The following CPS1 variants were observed in gnomAD, a reference collection of about 807,000 sequenced individuals.
The protein encoded by CPS1 is carbamoyl-phosphate synthase 1.
Under a neutral mutation model 174.6 loss-of-function variants are expected in CPS1, and 109 were observed. That is an observed-to-expected ratio of 0.62 (90% confidence interval 0.53 to 0.73). The LOEUF (loss-of-function observed/expected upper bound fraction) is 0.73. CPS1 is among the 30% of genes least tolerant of loss of function. The probability of loss-of-function intolerance (pLI) is 0.00; values close to 1 mark genes in which losing one functional copy is unlikely to be tolerated. For missense variants in CPS1, 1,689 were observed against 1,821.9 expected, an observed-to-expected ratio of 0.93 and a Z score of 1.33; for synonymous variants, 637 against 632.0, an observed-to-expected ratio of 1.01 and a Z score of -0.12.
At chr2:210,490,337 T>C (rs532602284) in intron 1 of CPS1, among the ~76,000 whole-genome samples, 1 of 143,862 alleles carries the variant, frequency 7.0e-6, no homozygotes, top group Admixed American at 7.0e-5. Flanking sequence ...TTTCCTCTTC[T>C]GCATAGCCAT....
Position 210,595,548 on chromosome 2 carries a change from A to T in CPS1, c.1325A>T (p.Asp442Val). Residue 442 changes from aspartate (D) to valine (V), a missense_variant, in exon 13 of 38, where the codon GAT becomes GTT. By Grantham distance (152) the Asp-to-Val change is radical (BLOSUM62 -3). Transcript: ENST00000233072. The part of the protein sequence containing the change: ...GLSIGQAGEF[D>V]YSGSQAVKAM... ...TCCATTGGTCAGGCTGGAGAATTTG[A>T]TTACTCAGGATCTCAAGCTGTAAAA... The T allele has an allele frequency of 6.2e-7, 1 of 1,611,494 alleles. No individual in the cohort carries two copies. The highest frequency in any genetic ancestry group is 8.5e-7 in the Non-Finnish European group (1 of 1,178,338).
intron 14 of CPS1, 49 bp from the exon 15 acceptor site, chr2:210,600,506 G>A: frequency 6.3e-7 from 1 of 1,583,832 alleles, no homozygotes; most frequent in South Asian, 1.1e-5. Context: ...ATTAAAAAAG[G>A]CACAAAATTC....
intron 29 of CPS1, among the ~76,000 whole-genome samples, chr2:210,655,758 T>G (rs2105916771): frequency 6.6e-6 from 1 of 152,330 alleles, no homozygotes; most frequent in South Asian, 2.1e-4. Flanking sequence ...AATGTCACTG[T>G]TTTAAGACGT....
chr2:210,519,647 A>T, intron 1 of CPS1: 1 of 543,392 alleles, frequency 1.8e-6, no homozygotes, highest in African/African-American at 2.1e-5. Context: ...TTGAATTCCC[A>T]GCCTCGCTTG....
At chr2:210,600,494 CTA>C in intron 14 of CPS1, 59 bp from the exon 15 acceptor site, 1 of 1,520,656 alleles carries the variant, frequency 6.6e-7, no homozygotes, top group Non-Finnish European at 9.1e-7. Context: ...ATTCAGTTGT[CTA>C]TTAAAAAAGG....
chr2:210,548,650 T>C (rs952963987), intron 1 of CPS1, among the ~76,000 whole-genome samples: 1 of 152,066 alleles, frequency 6.6e-6, no homozygotes, highest in East Asian at 1.9e-4. Context: ...TTTCTTTCTC[T>C]TCTTCCTCCC....
At chr2:210,552,286 A>AG (rs1696752192), upstream of CPS1, among the ~76,000 whole-genome samples, 1 of 150,766 alleles carries the variant, frequency 6.6e-6, no homozygotes, top group Non-Finnish European at 1.5e-5. Flanking sequence ...ATTGATTGCC[A>AG]GGTTTTTTTT....
At position 210,588,094 on chromosome 2, in the gene CPS1, G is replaced by T. The variant is rs762550873; in HGVS notation, c.658G>T (p.Val220Leu). Residue 220 changes from valine to leucine, a missense_variant, in exon 7 of 38, where the codon GTG (valine) becomes TTG (leucine). Transcript: ENST00000233072. Reference sequence around the variant, plus strand: ...GTACGGCAAAGGAAACCCCACAAAAGTGGTAGCTGTAGACTGTGGGATTAA... The same window carrying T: ...GTACGGCAAAGGAAACCCCACAAAATTGGTAGCTGTAGACTGTGGGATTAA... ...KVYGKGNPTK[V>L]VAVDCGIKNN... is the part of the protein sequence containing the mutation. 58 of 1,612,922 alleles carry T rather than the reference G, an allele frequency of 3.6e-5. No homozygotes were observed. The highest frequency in any genetic ancestry group is 4.9e-5 in the Non-Finnish European group (58 of 1,179,290).
At chr2:210,548,273 C>G (rs1359668206) in intron 1 of CPS1, among the ~76,000 whole-genome samples, 1 of 151,996 alleles carries the variant, frequency 6.6e-6, no homozygotes, top group African/African-American at 2.4e-5. Context: ...ACCTCGACTT[C>G]TAACATGGCA....
At chr2:210,579,139 T>C (rs946910748) in intron 4 of CPS1, among the ~76,000 whole-genome samples, 2 of 152,206 alleles carry the variant, frequency 1.3e-5, no homozygotes, top group African/African-American at 2.4e-5. Context: ...AAAAATCTTA[T>C]TTTAGTAAAA....
chr2:210,651,810 G>A lies in CPS1; in HGVS notation c.3480+1372G>A, dbSNP rs114218439. ...GAGTAAAACCAGCCCCAATCAATCA[G>A]TAATCTATGTATGTATTCATTTATT... On this transcript the variant is annotated intron_variant, in intron 28 of 37. Coordinates refer to ENST00000233072, the MANE Select transcript of CPS1 (RefSeq NM_001875.5). Among the ~76,000 whole-genome samples, 147 of 152,246 alleles carry A rather than the reference G, an allele frequency of 9.7e-4. 1 individual carries two copies. The highest frequency in any genetic ancestry group is 1.7e-3 in the Non-Finnish European group (119 of 68,014).
intron 21 of CPS1, chr2:210,617,787 T>C (rs1699360915): frequency 6.6e-6 from 1 of 152,036 alleles, no homozygotes. Context: ...ATTTATCTTA[T>C]AATTTTGCTG....
chr2:210,492,593 T>C lies in CPS1; in HGVS notation c.3+14827T>C, dbSNP rs564834839. On this transcript the variant is annotated intron_variant, in intron 1 of 38. Transcript: ENST00000430249. ...TTTTTTTTGCCTATCTTGCTTTTATTAATTTTAGAATCTGTAAGTTCTTTG... is the reference window on the plus strand; with the variant it reads ...TTTTTTTTGCCTATCTTGCTTTTATCAATTTTAGAATCTGTAAGTTCTTTG... Among the ~76,000 whole-genome samples the C allele has an allele frequency of 3.3e-5, 5 of 152,292 alleles. No homozygotes were observed. In the South Asian group the frequency reaches 1.0e-3, roughly 32 times the overall value.
Position 210,606,712 on chromosome 2 carries a change from G to C in CPS1, c.1982-19G>C. 6.2e-7 allele frequency: 1 copy of C among 1,607,282 alleles called. No individual in the cohort carries two copies. The highest frequency in any genetic ancestry group is 8.5e-7 in the Non-Finnish European group (1 of 1,174,360). ...ATTTCAATATGCCACCAAGTAATGA[G>C]TGCTTCTTGGATATATAGGTGACTC... On this transcript the variant is annotated intron_variant, in intron 17 of 37. Coordinates refer to ENST00000233072, the MANE Select transcript of CPS1 (RefSeq NM_001875.5).
At chr2:210,668,720 T>G (rs1559137675) in intron 34 of CPS1, among the ~76,000 whole-genome samples, 1 of 152,250 alleles carries the variant, frequency 6.6e-6, no homozygotes, top group Non-Finnish European at 1.5e-5. Flanking sequence ...TTCATCCATG[T>G]CTATAGTACC....
rs1047169731 is a variant in CPS1 at position 210,647,753 on chromosome 2, A to G, written c.3142-110A>G. On this transcript the variant is annotated intron_variant, in intron 25 of 37. Coordinates refer to ENST00000233072, the MANE Select transcript of CPS1 (RefSeq NM_001875.5). ...ATTCATTGGTAGGAGAGATGTAAATATCACAGTCAGGTTAAGAATTATCAG... is the reference window on the plus strand; with the variant it reads ...ATTCATTGGTAGGAGAGATGTAAATGTCACAGTCAGGTTAAGAATTATCAG... The G allele has an allele frequency of 7.5e-6, 10 of 1,341,156 alleles. No homozygotes were observed. In the Admixed American group the frequency reaches 1.3e-4, roughly 17 times the overall value. 83.1% of individuals were successfully genotyped at this position (1,341,156 alleles called of 1,614,324 possible). A position where few individuals can be genotyped will look rare whatever the true frequency, so the allele number is the denominator to read the frequency against.
At chr2:210,540,121 A>G (rs1478080250) in intron 1 of CPS1, among the ~76,000 whole-genome samples, 2 of 152,222 alleles carry the variant, frequency 1.3e-5, no homozygotes, top group South Asian at 2.1e-4. Flanking sequence ...TTGAGTTATG[A>G]TAAGTTAAAG....
At chr2:210,654,802 A>G (rs577811059) in intron 29 of CPS1, among the ~76,000 whole-genome samples, 57 of 152,322 alleles carry the variant, frequency 3.7e-4, no homozygotes, top group African/African-American at 1.3e-3. Context: ...AAATACTTCA[A>G]AACACTACTG....
chr2:210,654,086 T>C lies in CPS1; in HGVS notation c.3542T>C (p.Val1181Ala). 1 of 1,613,986 alleles carries C rather than the reference T, an allele frequency of 6.2e-7. No homozygotes were observed. The highest frequency in any genetic ancestry group is 8.5e-7 in the Non-Finnish European group (1 of 1,179,858). The change falls in exon 29 of 38, where the codon GTT (valine) becomes GCT (alanine). Residue 1181 changes from valine to alanine, a missense_variant. Physicochemically the swap from Val to Ala is moderately conservative, Grantham distance 64 (BLOSUM62 0). Coordinates refer to ENST00000233072, the MANE Select transcript of CPS1 (RefSeq NM_001875.5). ...EGAREVEMDAVGKDGRVISHA... is the reference protein window; with the variant it reads ...EGAREVEMDAAGKDGRVISHA... Reference sequence around the variant, plus strand: ...GCCCGAGAAGTAGAAATGGACGCTGTTGGCAAAGATGGAAGGGTAAGTGCT... The same window carrying C: ...GCCCGAGAAGTAGAAATGGACGCTGCTGGCAAAGATGGAAGGGTAAGTGCT...
Sources: gnomAD v4.1 joint callset for allele counts (sites outside exome capture counted in the v4.1 genomes callset) on GRCh38, gnomAD v4.1.1 for gene constraint, MANE v1.5 for transcripts, NCBI Gene and HGNC (gene_info 2026-07-23, HGNC 2026-07-21) for gene names.